CCDC34: variants seen among roughly 807,000 people sequenced by gnomAD.
CCDC34 encodes the protein coiled-coil domain containing 34.
In CCDC34, 40 loss-of-function variants were observed where a neutral mutation model predicts 44.1. The observed-to-expected ratio is 0.91, with a 90% confidence interval of 0.70 to 1.18. CCDC34 has a LOEUF of 1.18. CCDC34 is among the 50% of genes most tolerant of loss of function. CCDC34 has a pLI of 0.00. For missense variants in CCDC34, 466 were observed against 452.3 expected, an observed-to-expected ratio of 1.03 and a Z score of -0.28; for synonymous variants, 159 against 158.2, an observed-to-expected ratio of 1.01 and a Z score of -0.04.
intron 2 of CCDC34, among the ~76,000 whole-genome samples, chr11:27,351,440 A>G (rs1444023422): frequency 6.6e-6 from 1 of 152,024 alleles, no homozygotes; most frequent in African/African-American, 2.4e-5. Context: ...TTCCATAATC[A>G]CTCATCCTAA....
intron 3 of CCDC34, among the ~76,000 whole-genome samples, chr11:27,343,795 T>C (rs940152102): frequency 6.6e-6 from 1 of 152,170 alleles, no homozygotes; most frequent in African/African-American, 2.4e-5. Context: ...GATACCATTA[T>C]TATCCCATTT....
At position 27,363,161 on chromosome 11, in the gene CCDC34, G is replaced by A; in HGVS notation, c.34C>T (p.Pro12Ser). 1.3e-6 allele frequency: 2 copies of A among 1,504,144 alleles called. No individual in the cohort carries two copies. The highest frequency in any genetic ancestry group is 2.7e-5 in the South Asian group (2 of 75,000). The allele number at this position is 1,504,144 out of a possible 1,614,324, so 93.2% of individuals were successfully genotyped here. The stretch of plus-strand genomic sequence containing the variant: ...GCAGAGAAACCGGCGTAGGAAGAGG[G>A]AAAAGTAGGCCCCCAGCGCCCCGCC... Reference protein sequence around the residue: ...WAAGRWGPTFPSSYAGFSADC... With the variant: ...WAAGRWGPTFSSSYAGFSADC... The change falls in exon 1 of 6, where the codon CCC (proline) becomes TCC (serine). Residue 12 changes from proline to serine, a missense_variant. Coordinates refer to ENST00000328697, the MANE Select transcript of CCDC34 (RefSeq NM_030771.2).
intron 5 of CCDC34, among the ~76,000 whole-genome samples, chr11:27,339,352 CA>C (rs1254847844): frequency 6.6e-6 from 1 of 152,120 alleles, no homozygotes; most frequent in Non-Finnish European, 1.5e-5. Context: ...TTAAATTCAA[CA>C]AAACTTTCAT....
intron 3 of CCDC34, among the ~76,000 whole-genome samples, chr11:27,345,006 T>C (rs1446150217): frequency 2.0e-5 from 3 of 152,144 alleles, no homozygotes; most frequent in Admixed American, 6.5e-5. Context: ...TATAAATCAA[T>C]AGAATAGACT....
chr11:27,362,736 G>A (rs1565064094), intron 1 of CCDC34, 100 bp downstream of exon 1: 24 of 1,386,326 alleles, frequency 1.7e-5, no homozygotes, highest in Non-Finnish European at 2.4e-5. Context: ...TGCCTGCTCT[G>A]CCTTTGGGGC....
At chr11:27,356,478 G>C (rs971721907) in intron 2 of CCDC34, among the ~76,000 whole-genome samples, 3 of 151,900 alleles carry the variant, frequency 2.0e-5, no homozygotes, top group Non-Finnish European at 2.9e-5. Flanking sequence ...TAATGATAGA[G>C]AAAAAGAGTT....
intron 3 of CCDC34, among the ~76,000 whole-genome samples, chr11:27,342,581 A>AATC (rs1862377378): frequency 6.6e-6 from 1 of 152,076 alleles, no homozygotes; most frequent in Admixed American, 6.5e-5. Context: ...AAGCACTGAC[A>AATC]ATCACATCTG....
chr11:27,356,937 GTGGTGGGGGGGGGC>G (rs1862585581), intron 2 of CCDC34, among the ~76,000 whole-genome samples: 1 of 64,192 alleles, frequency 1.6e-5, no homozygotes, highest in South Asian at 9.1e-4. Context: ...GGGGTTGGGG[GTGGTGGGGGGGGGC>G]AGGTAGATTC....
intron 2 of CCDC34, among the ~76,000 whole-genome samples, chr11:27,354,004 A>C (rs1283307781): frequency 6.6e-6 from 1 of 152,200 alleles, no homozygotes; most frequent in Admixed American, 6.5e-5. Flanking sequence ...TGGTTTATAA[A>C]CAAATTAGGG....
In CCDC34 at chr11:27,350,233, T is replaced by G. The variant is rs374928596; in HGVS notation, c.606+99A>C. ...AAAACAAGCCAAAGAAGAAAGACTC[T>G]AAGAGAAGTATTTTTTAAAACCTAG... On this transcript the variant is annotated intron_variant, in intron 3 of 5. Transcript: ENST00000328697. 13 of 1,601,612 alleles carry G rather than the reference T, an allele frequency of 8.1e-6. No individual in the cohort carries two copies. In the African/African-American group the frequency reaches 1.6e-4, roughly 20 times the overall value.
At chr11:27,343,352 A>C (rs1862390465) in intron 3 of CCDC34, among the ~76,000 whole-genome samples, 1 of 151,414 alleles carries the variant, frequency 6.6e-6, no homozygotes, top group African/African-American at 2.4e-5. Context: ...CAGTTAGCCG[A>C]GATCGTGCCA....
chr11:27,341,309 T>C (rs1216777025), intron 4 of CCDC34, 83 bp downstream of exon 4: 2 of 818,836 alleles, frequency 2.4e-6, no homozygotes, highest in Non-Finnish European at 3.7e-6. Context: ...GCCAATTTTC[T>C]ATTAGATACT....
At chr11:27,350,552 G>T (rs1862493437) in intron 2 of CCDC34, 113 bp from the exon 3 acceptor site, 2 of 989,438 alleles carry the variant, frequency 2.0e-6, no homozygotes, top group Non-Finnish European at 2.9e-6. Context: ...TTTCCTTTAT[G>T]GAGCATATGC....
chr11:27,356,008 ATTTTTTTTTTT>A (rs34146389), intron 2 of CCDC34, among the ~76,000 whole-genome samples: 7 of 69,510 alleles, frequency 1.0e-4, no homozygotes, highest in East Asian at 1.1e-3. Flanking sequence ...TGTTCCCAGG[ATTTTTTTTTTT>A]TTTTTTTTTT....
intron 2 of CCDC34, among the ~76,000 whole-genome samples, chr11:27,352,585 TC>T (rs1366314317): frequency 2.0e-5 from 3 of 152,086 alleles, no homozygotes; most frequent in Non-Finnish European, 4.4e-5. Flanking sequence ...CAACTACATA[TC>T]AAAAATTTTC....
At chr11:27,356,976 T>C (rs1301691816) in intron 2 of CCDC34, among the ~76,000 whole-genome samples, 1 of 144,626 alleles carries the variant, frequency 6.9e-6, no homozygotes, top group Non-Finnish European at 1.5e-5. Flanking sequence ...CTCTATTTTG[T>C]TTCAGTAAAG....
intron 1 of CCDC34, among the ~76,000 whole-genome samples, chr11:27,361,137 C>A (rs1199662758): frequency 6.6e-6 from 1 of 152,212 alleles, no homozygotes; most frequent in Non-Finnish European, 1.5e-5. Flanking sequence ...TCAGCATTCT[C>A]TTTTCAAACC....
At position 27,338,641 on chromosome 11, in the gene CCDC34, T is replaced by C. The variant is rs1229229074; in HGVS notation, c.*180A>G. The stretch of plus-strand genomic sequence containing the variant: ...ATGCCAAGATCAACCTTAAAAAGTT[T>C]ATAAAAACCAAAATCCAGAAAATAT... On this transcript the variant is annotated 3_prime_UTR_variant, in exon 6 of 6. Coordinates refer to ENST00000328697, the MANE Select transcript of CCDC34 (RefSeq NM_030771.2). The C allele has an allele frequency of 2.0e-5, 11 of 563,102 alleles. No individual in the cohort carries two copies. The highest frequency in any genetic ancestry group is 3.3e-5 in the Non-Finnish European group (11 of 328,942). The allele number at this position is 563,102 out of a possible 1,614,324, so 34.9% of individuals were successfully genotyped here.
At chr11:27,346,154 A>G (rs572762324) in intron 3 of CCDC34, among the ~76,000 whole-genome samples, 3 of 150,182 alleles carry the variant, frequency 2.0e-5, no homozygotes, top group South Asian at 4.2e-4. Context: ...CTTGTTAGTG[A>G]AAAAAAAAAT....
Sources: allele counts gnomAD v4.1 joint callset (sites outside exome capture counted in the v4.1 genomes callset), GRCh38; gene constraint gnomAD v4.1.1; transcripts MANE v1.5; gene names NCBI Gene and HGNC (gene_info 2026-07-23, HGNC 2026-07-21).